Variants in WDFY4 observed in about 807,000 individuals in gnomAD.
WDFY4 encodes the protein WD repeat- and FYVE domain-containing protein 4.
A neutral mutation model predicts 351.9 loss-of-function variants in WDFY4; 169 were observed. The observed-to-expected ratio is 0.48, with a 90% confidence interval of 0.42 to 0.55. The LOEUF is 0.55. Among genes scored for constraint, WDFY4 ranks in the 20% least tolerant of loss-of-function variants. The pLI is 0.00. For synonymous variants in WDFY4, 1,622 were observed against 1,574.6 expected (o/e 1.03, Z -0.71); for missense variants, 3,803 against 3,935.6 (o/e 0.97, Z 0.90).
intron 13 of WDFY4, among the ~76,000 whole-genome samples, chr10:48,761,606 A>T (rs2065508423): frequency 6.6e-6 from 1 of 152,218 alleles, no homozygotes; most frequent in African/African-American, 2.4e-5. Flanking sequence ...GTCCCGGCAG[A>T]ACTAACAGCC....
At chr10:48,915,734 A>T (rs751953941) in intron 47 of WDFY4, among the ~76,000 whole-genome samples, 23 of 152,194 alleles carry the variant, frequency 1.5e-4, no homozygotes, top group Non-Finnish European at 5.9e-5. Context: ...CTACCCTGCG[A>T]AAGGCCTGAT....
In WDFY4 at chr10:48,733,094, G is replaced by A. The variant is rs116598691; in HGVS notation, c.1583-837G>A. On this transcript the variant is annotated intron_variant, in intron 9 of 61. Coordinates refer to ENST00000325239, the MANE Select transcript of WDFY4 (RefSeq NM_001394531.1). ...CTTTGCACCGTCTCTTTGTTTGGTG[G>A]TTCTGTCTTATCTTAGCTGGTATTT... 2.8e-3 allele frequency among the ~76,000 whole-genome samples: 428 copies of A among 152,302 alleles called. 4 individuals are homozygous for A. The highest frequency in any genetic ancestry group is 9.8e-3 in the African/African-American group (408 of 41,554).
Position 48,952,546 on chromosome 10 carries a change from T to C in WDFY4, c.7978-4583T>C, listed in dbSNP as rs372313401. On this transcript the variant is annotated intron_variant, in intron 51 of 61. Transcript: ENST00000325239. ...TCTAGAACTTTCTAATTGGCATTAT[T>C]GAACAACGGAGCCTCAGTTTCTTCA... Among the ~76,000 whole-genome samples the C allele has an allele frequency of 1.2e-4, 18 of 152,216 alleles. No homozygotes were observed. The East Asian group carries it at 1.5e-3, about 13-fold the overall frequency.
At chr10:48,969,344 C>T in intron 56 of WDFY4, 96 bp downstream of exon 56, 2 of 1,405,948 alleles carry the variant, frequency 1.4e-6, no homozygotes, top group Non-Finnish European at 1.9e-6. Flanking sequence ...TCCAAAGCAA[C>T]CTCGCTCACT....
At chr10:48,832,816 G>A (rs1048804571) in intron 39 of WDFY4, 107 bp downstream of exon 39, 15 of 1,356,746 alleles carry the variant, frequency 1.1e-5, no homozygotes, top group Admixed American at 3.2e-5. Flanking sequence ...CTAACTCCAC[G>A]TCCTTGTGAG....
chr10:48,942,007 C>G (rs1840793483), intron 48 of WDFY4, among the ~76,000 whole-genome samples, 159 bp downstream of exon 48: 1 of 152,130 alleles, frequency 6.6e-6, no homozygotes, highest in African/African-American at 2.4e-5. Flanking sequence ...TCTTGTTGCC[C>G]AAGCTGGAGT....
chr10:48,834,433 G>A (rs1417417873), intron 39 of WDFY4, among the ~76,000 whole-genome samples: 1 of 152,200 alleles, frequency 6.6e-6, no homozygotes, highest in African/African-American at 2.4e-5. Flanking sequence ...TTATAATAGA[G>A]CATGTGGAGC....
chr10:48,890,474 C>T, intron 43 of WDFY4, 105 bp from the exon 44 acceptor site: 2 of 1,385,510 alleles, frequency 1.4e-6, no homozygotes, highest in Non-Finnish European at 9.9e-7. Flanking sequence ...ACTGCTCTCA[C>T]CTCCAATTGC....
intron 47 of WDFY4, chr10:48,910,770 T>C (rs1837925570): frequency 4.5e-6 from 1 of 222,158 alleles, no homozygotes; most frequent in South Asian, 1.6e-4. Flanking sequence ...CTGGAGTGAG[T>C]GTCAGGCCAG....
At chr10:48,739,715 A>G (rs1045024777) in intron 11 of WDFY4, among the ~76,000 whole-genome samples, 1 of 152,196 alleles carries the variant, frequency 6.6e-6, no homozygotes, top group Non-Finnish European at 1.5e-5. Flanking sequence ...AATAAATCAA[A>G]CAAAGCAACA....
intron 47 of WDFY4, among the ~76,000 whole-genome samples, chr10:48,934,044 G>A (rs1840199517): frequency 6.6e-6 from 1 of 152,112 alleles, no homozygotes; most frequent in Non-Finnish European, 1.5e-5. Context: ...TCTCTCCCTG[G>A]AGGCTGAGGC....
At chr10:48,865,548 T>C (rs1333614278) in intron 39 of WDFY4, among the ~76,000 whole-genome samples, 3 of 152,228 alleles carry the variant, frequency 2.0e-5, no homozygotes, top group African/African-American at 7.2e-5. Context: ...TTGTCTGTTT[T>C]CTGTGTCAGG....
At chr10:48,920,625 T>G (rs919066591) in intron 47 of WDFY4, among the ~76,000 whole-genome samples, 2 of 152,234 alleles carry the variant, frequency 1.3e-5, no homozygotes, top group Non-Finnish European at 2.9e-5. Flanking sequence ...GAGCACACTT[T>G]CACTATGTCT....
chr10:48,974,930 C>A lies in WDFY4; in HGVS notation c.8997C>A (p.Ser2999Arg), dbSNP rs1380754457. The change falls in exon 58 of 62, where the codon AGC becomes AGA. Residue 2999 changes from serine to arginine, a missense_variant. By Grantham distance (110) the Ser-to-Arg change is moderately radical. Around this residue, in one of 3 missense-constraint regions of WDFY4, gnomAD observed 3,054 missense variants for 3,148.6 expected, o/e 0.97. Transcript: ENST00000325239. ...CAGTCACCTTCAGCCTCCTGGTGAGCGGCTCCCAGGACTGCACCTGTATCC... is the reference window on the plus strand; with the variant it reads ...CAGTCACCTTCAGCCTCCTGGTGAGAGGCTCCCAGGACTGCACCTGTATCC... ...AASVTFSLLVSGSQDCTCILW... is the reference protein window; with the variant it reads ...AASVTFSLLVRGSQDCTCILW... The A allele has an allele frequency of 7.7e-6, 12 of 1,551,462 alleles. No individual in the cohort carries two copies. Among genetic ancestry groups the A allele is most frequent in the Non-Finnish European group, 1.0e-5 (12 of 1,146,972 alleles).
chr10:48,933,235 C>T (rs868308565), intron 47 of WDFY4, among the ~76,000 whole-genome samples: 103 of 152,182 alleles, frequency 6.8e-4, no homozygotes, highest in African/African-American at 2.3e-3. Flanking sequence ...GCTAGAGGGG[C>T]CTAGCACTTC....
At chr10:48,822,951 A>T (rs1002871727) in intron 35 of WDFY4, among the ~76,000 whole-genome samples, 19 of 152,178 alleles carry the variant, frequency 1.2e-4, no homozygotes, top group Non-Finnish European at 2.8e-4. Flanking sequence ...ACTCTGTTGT[A>T]TTTGTGCCTT....
chr10:48,861,056 T>A (rs1317727951), intron 39 of WDFY4, among the ~76,000 whole-genome samples: 1 of 152,164 alleles, frequency 6.6e-6, no homozygotes, highest in Admixed American at 6.6e-5. Flanking sequence ...CATTTATTTA[T>A]TGTGTTTTGA....
Position 48,873,913 on chromosome 10 carries a change from C to A in WDFY4, c.6948+216C>A, listed in dbSNP as rs115237994. Among the ~76,000 whole-genome samples, 750 of 152,300 alleles carry A rather than the reference C, an allele frequency of 4.9e-3. 13 individuals are homozygous for A. The highest frequency in any genetic ancestry group is 0.017 in the African/African-American group (721 of 41,548). On this transcript the variant is annotated intron_variant, in intron 41 of 61. Coordinates refer to ENST00000325239, the MANE Select transcript of WDFY4 (RefSeq NM_001394531.1). ...CATAGCAGGGACACTGTAACTACAG[C>A]CTGCATGAATGAATAAATATTGAGT...
intron 39 of WDFY4, among the ~76,000 whole-genome samples, chr10:48,858,000 G>A (rs1009775962): frequency 6.6e-6 from 1 of 151,986 alleles, no homozygotes; most frequent in Admixed American, 6.6e-5. Context: ...CACCACATTG[G>A]CCAGGTTCGT....
Sources: gnomAD v4.1 joint callset for allele counts (sites outside exome capture counted in the v4.1 genomes callset) on GRCh38, gnomAD v4.1.1 for gene constraint, gnomAD v4.1.1 regional missense constraint, MANE v1.5 for transcripts, NCBI Gene and HGNC (gene_info 2026-07-23, HGNC 2026-07-21) for gene names.